Variants in MYO16 observed in about 807,000 individuals in gnomAD.
The protein encoded by MYO16 is unconventional myosin-XVI.
In MYO16, 94 loss-of-function variants were observed where a neutral mutation model predicts 205.3. The ratio of observed to expected loss-of-function variants is 0.46; its 90% CI spans 0.39 to 0.54. MYO16 has a LOEUF of 0.54. Among genes scored for constraint, MYO16 ranks in the 20% least tolerant of loss-of-function variants. The pLI is 0.00. For synonymous variants in MYO16, 988 were observed against 954.0 expected, an observed-to-expected ratio of 1.04 and a Z score of -0.66; for missense variants, 2,315 against 2,387.5, an observed-to-expected ratio of 0.97 and a Z score of 0.63.
chr13:109,076,233 A>T (rs1326204999), intron 27 of MYO16, among the ~76,000 whole-genome samples: 1 of 152,204 alleles, frequency 6.6e-6, no homozygotes, highest in Non-Finnish European at 1.5e-5. Context: ...TGTTCAAACA[A>T]TTAGTAAATC....
At chr13:108,555,423 G>GT in the MYO16 span, among the ~76,000 whole-genome samples, 1 of 152,216 alleles carries the variant, frequency 6.6e-6, no homozygotes, top group South Asian at 2.1e-4. Flanking sequence ...GGAAATGAAT[G>GT]TATGAACACT....
At chr13:108,943,761 AT>A (rs1882828275) in intron 16 of MYO16, among the ~76,000 whole-genome samples, 1 of 151,208 alleles carries the variant, frequency 6.6e-6, no homozygotes, top group African/African-American at 2.4e-5. Context: ...AATTTTTTGT[AT>A]TTTTAGTAGA....
chr13:108,722,392 C>A (rs1408498745), intron 3 of MYO16, among the ~76,000 whole-genome samples: 1 of 152,130 alleles, frequency 6.6e-6, no homozygotes, highest in Non-Finnish European at 1.5e-5. Context: ...GAATGTTCCA[C>A]CATCACACTC....
At chr13:108,699,803 A>G (rs1883230106) in intron 2 of MYO16, among the ~76,000 whole-genome samples, 2 of 152,212 alleles carry the variant, frequency 1.3e-5, no homozygotes, top group South Asian at 4.1e-4. Flanking sequence ...TTTCATCTTC[A>G]GCAAAAAATA....
intron 16 of MYO16, among the ~76,000 whole-genome samples, chr13:108,947,710 T>C (rs112237614): frequency 3.8e-4 from 58 of 152,288 alleles, no homozygotes; most frequent in African/African-American, 1.2e-3. Context: ...AACTAGACGT[T>C]TCCAAGAAAC....
intron 23 of MYO16, among the ~76,000 whole-genome samples, chr13:109,030,806 C>G (rs1273671564): frequency 6.6e-6 from 1 of 152,096 alleles, no homozygotes; most frequent in Non-Finnish European, 1.5e-5. Flanking sequence ...CCCACTCTTT[C>G]TCTCTCAACT....
chr13:108,869,615 C>T (rs571153918), intron 12 of MYO16, among the ~76,000 whole-genome samples: 2 of 149,864 alleles, frequency 1.3e-5, no homozygotes, highest in South Asian at 2.1e-4. Flanking sequence ...TCTGTAGTCC[C>T]AGCTACTCGG....
intron 34 of MYO16, among the ~76,000 whole-genome samples, chr13:109,179,997 G>A (rs1879389480): frequency 6.6e-6 from 1 of 152,130 alleles, no homozygotes; most frequent in African/African-American, 2.4e-5. Flanking sequence ...ATGACTCTTA[G>A]TGACCACACC....
chr13:108,859,161 G>A (rs1022522006), intron 11 of MYO16, among the ~76,000 whole-genome samples: 1 of 151,912 alleles, frequency 6.6e-6, no homozygotes, highest in Non-Finnish European at 1.5e-5. Context: ...ACCATGTGCT[G>A]ATTCTCCCTA....
In MYO16 at chr13:108,727,464, A is replaced by G. The variant is rs939523036; in HGVS notation, c.388A>G (p.Ile130Val). The change falls in exon 4 of 35, where the codon ATT (isoleucine) becomes GTT (valine). Residue 130 changes from isoleucine to valine, a missense_variant. Around this residue, in one of 3 missense-constraint regions of MYO16, gnomAD observed 1,213 missense variants for 1,274.4 expected, o/e 0.95. Coordinates refer to ENST00000457511, the MANE Select transcript of MYO16 (RefSeq NM_001198950.3). ...HLCARYDNAF[I>V]AEILIDRGVN... is the part of the protein sequence containing the mutation. ...GTGTGCTCGGTATGATAATGCCTTC[A>G]TTGCAGAAATTCTGATTGACAGAGG... is the stretch of plus-strand genomic sequence containing the variant. The G allele has an allele frequency of 6.2e-7, 1 of 1,613,870 alleles. No individual in the cohort carries two copies. Among genetic ancestry groups the G allele is most frequent in the African/African-American group, 1.3e-5 (1 of 74,998 alleles).
the MYO16 span, among the ~76,000 whole-genome samples, chr13:108,507,989 T>A: frequency 2.6e-5 from 4 of 152,132 alleles, no homozygotes; most frequent in Non-Finnish European, 4.4e-5. Flanking sequence ...AATTTTTTTT[T>A]AATGTGTAAT....
intron 33 of MYO16, among the ~76,000 whole-genome samples, chr13:109,173,949 G>GGGA (rs1879043067): frequency 1.5e-5 from 2 of 131,026 alleles, no homozygotes; most frequent in Non-Finnish European, 1.7e-5. Flanking sequence ...TGTTTTGATG[G>GGGA]GGGGGGGTAC....
intron 2 of MYO16, among the ~76,000 whole-genome samples, chr13:108,672,463 C>T (rs923140937): frequency 6.6e-6 from 1 of 151,854 alleles, no homozygotes; most frequent in Non-Finnish European, 1.5e-5. Context: ...TTTCAAAGGA[C>T]AATATGTCTG....
chr13:108,855,574 C>T, intron 11 of MYO16, 21 bp downstream of exon 11: 1 of 1,472,414 alleles, frequency 6.8e-7, no homozygotes, highest in Non-Finnish European at 9.4e-7. Context: ...TGGAAATTGC[C>T]TTTTGCACTG....
chr13:108,865,878 C>T (rs1413907469), intron 11 of MYO16, among the ~76,000 whole-genome samples: 3 of 151,914 alleles, frequency 2.0e-5, no homozygotes, highest in Non-Finnish European at 4.4e-5. Context: ...TATATTTTTT[C>T]ATTGTTTCAT....
At chr13:108,566,721 G>C in the MYO16 span, among the ~76,000 whole-genome samples, 1 of 136,124 alleles carries the variant, frequency 7.3e-6, no homozygotes, top group Non-Finnish European at 1.5e-5. Context: ...AAAGGAGGAA[G>C]GAAGGAAGGA....
intron 27 of MYO16, among the ~76,000 whole-genome samples, chr13:109,088,711 C>A (rs1270323692): frequency 6.6e-6 from 1 of 152,248 alleles, no homozygotes. Flanking sequence ...GGCCGCAGTC[C>A]TTCATGCTCG....
At chr13:108,912,303 T>C (rs938549410) in intron 16 of MYO16, among the ~76,000 whole-genome samples, 5 of 152,176 alleles carry the variant, frequency 3.3e-5, no homozygotes, top group African/African-American at 1.2e-4. Flanking sequence ...TGTCATGTTG[T>C]GTAGGTAGAA....
chr13:108,754,579 T>C (rs1156893088), intron 4 of MYO16, among the ~76,000 whole-genome samples: 2 of 152,298 alleles, frequency 1.3e-5, no homozygotes, highest in East Asian at 3.9e-4. Flanking sequence ...GATTTAAAAA[T>C]GGTTTCTTGA....
Sources: gnomAD v4.1 joint callset for allele counts (sites outside exome capture counted in the v4.1 genomes callset) on GRCh38, gnomAD v4.1.1 for gene constraint, gnomAD v4.1.1 regional missense constraint, MANE v1.5 for transcripts, NCBI Gene and HGNC (gene_info 2026-07-23, HGNC 2026-07-21) for gene names.